Variants in ADAMTS3 observed in about 807,000 individuals in gnomAD.
ADAMTS3 encodes the protein A disintegrin and metalloproteinase with thrombospondin motifs 3.
A neutral mutation model predicts 129.0 loss-of-function variants in ADAMTS3; 73 were observed. The ratio of observed to expected loss-of-function variants is 0.57; its 90% confidence interval spans 0.47 to 0.69. The LOEUF is 0.69. ADAMTS3 is among the 30% of genes least tolerant of loss of function. The pLI is 0.00. For synonymous variants in ADAMTS3, 477 were observed against 510.8 expected, an observed-to-expected ratio of 0.93 and a Z score of 0.89; for missense variants, 1,457 against 1,514.5, an observed-to-expected ratio of 0.96 and a Z score of 0.63.
intron 4 of ADAMTS3, among the ~76,000 whole-genome samples, chr4:72,403,016 C>T (rs1027205638): frequency 3.9e-5 from 6 of 152,140 alleles, no homozygotes; most frequent in Non-Finnish European, 8.8e-5. Context: ...TATGGTTTCT[C>T]ATCCTCATTT....
chr4:72,397,330 C>T (rs1411953604), intron 4 of ADAMTS3, among the ~76,000 whole-genome samples: 9 of 151,878 alleles, frequency 5.9e-5, no homozygotes, highest in African/African-American at 2.2e-4. Flanking sequence ...TTTGGGAGGC[C>T]GAGGTGGGTG....
chr4:72,405,410 T>C (rs1160432806), intron 4 of ADAMTS3, among the ~76,000 whole-genome samples: 1 of 151,994 alleles, frequency 6.6e-6, no homozygotes, highest in Non-Finnish European at 1.5e-5. Flanking sequence ...TAAAAAAATA[T>C]AAAGAGACTC....
chr4:72,398,645 C>A (rs1013386566), intron 4 of ADAMTS3, among the ~76,000 whole-genome samples: 1 of 152,018 alleles, frequency 6.6e-6, no homozygotes, highest in Non-Finnish European at 1.5e-5. Flanking sequence ...CAAATTCAAC[C>A]AGATATTTAT....
In ADAMTS3 at chr4:72,433,588, C is replaced by A. The variant is rs183511200; in HGVS notation, c.505-18617G>T. On this transcript the variant is annotated intron_variant, in intron 3 of 21. Coordinates refer to ENST00000286657, the MANE Select transcript of ADAMTS3 (RefSeq NM_014243.3). ...AATTCTCCTAAATTTTTTCCCCACA[C>A]CTTTGCTGTATGAACATGAAATTTC... Among the ~76,000 whole-genome samples, 42 of 152,004 alleles carry A rather than the reference C, an allele frequency of 2.8e-4. 1 individual carries two copies. The highest frequency in any genetic ancestry group is 9.9e-4 in the African/African-American group (41 of 41,534).
At chr4:72,539,480 G>A (rs1721264902) in intron 3 of ADAMTS3, among the ~76,000 whole-genome samples, 1 of 128,250 alleles carries the variant, frequency 7.8e-6, no homozygotes, top group Non-Finnish European at 1.6e-5. Context: ...CCTTTAGGAT[G>A]GCTACTATCA....
intron 4 of ADAMTS3, among the ~76,000 whole-genome samples, chr4:72,354,112 CCTA>C (rs1720514842): frequency 6.6e-6 from 1 of 152,004 alleles, no homozygotes; most frequent in Non-Finnish European, 1.5e-5. Context: ...TTATTGAGCA[CCTA>C]CTATGTATCA....
At chr4:72,567,743 CA>C (rs1438079167) in intron 1 of ADAMTS3, among the ~76,000 whole-genome samples, 4 of 152,228 alleles carry the variant, frequency 2.6e-5, no homozygotes, top group African/African-American at 9.6e-5. Flanking sequence ...ATACACCTAA[CA>C]GGGGGCCTGA....
chr4:72,319,668 G>A (rs1719500139), intron 8 of ADAMTS3, among the ~76,000 whole-genome samples, 190 bp downstream of exon 8: 1 of 152,158 alleles, frequency 6.6e-6, no homozygotes, highest in African/African-American at 2.4e-5. Flanking sequence ...AAAACCACAG[G>A]AGTGCCTCTG....
At chr4:72,393,520 C>G (rs1721653648) in intron 4 of ADAMTS3, among the ~76,000 whole-genome samples, 1 of 152,210 alleles carries the variant, frequency 6.6e-6, no homozygotes, top group African/African-American at 2.4e-5. Flanking sequence ...CTCCCAATTA[C>G]TATCCCATTC....
At chr4:72,442,134 C>T (rs1215465732) in intron 3 of ADAMTS3, 2 of 151,778 alleles carry the variant, frequency 1.3e-5, no homozygotes, top group Non-Finnish European at 2.9e-5. Flanking sequence ...TTCTCATGCA[C>T]ATGTTTGGCA....
At chr4:72,433,380 A>G (rs1280560645) in intron 3 of ADAMTS3, among the ~76,000 whole-genome samples, 4 of 151,898 alleles carry the variant, frequency 2.6e-5, no homozygotes, top group Admixed American at 2.6e-4. Flanking sequence ...TGCATTATCA[A>G]ATATGTAACA....
At chr4:72,450,347 C>G (rs919799486) in intron 3 of ADAMTS3, among the ~76,000 whole-genome samples, 3 of 151,660 alleles carry the variant, frequency 2.0e-5, no homozygotes, top group Non-Finnish European at 4.4e-5. Context: ...CAGGCTCTGG[C>G]ACCATGGAAG....
rs529842183 is a variant in ADAMTS3, at chr4:72,358,610, C to T, written c.662-18917G>A. ...ACAATAAACTATATATATTCCTATCCTTCAAAAACATTATAAATCTTTTAT... is the reference window on the plus strand; with the variant it reads ...ACAATAAACTATATATATTCCTATCTTTCAAAAACATTATAAATCTTTTAT... On this transcript the variant is annotated intron_variant, in intron 4 of 21. Coordinates refer to ENST00000286657, the MANE Select transcript of ADAMTS3 (RefSeq NM_014243.3). Among the ~76,000 whole-genome samples, 18 of 152,024 alleles carry T rather than the reference C, an allele frequency of 1.2e-4. 1 individual carries two copies. The South Asian group carries it at 3.3e-3, about 28-fold the overall frequency.
At chr4:72,433,818 G>A (rs1711881768) in intron 3 of ADAMTS3, among the ~76,000 whole-genome samples, 1 of 151,690 alleles carries the variant, frequency 6.6e-6, no homozygotes, top group African/African-American at 2.4e-5. Context: ...TGTTACATAT[G>A]CTAGCTGATC....
intron 3 of ADAMTS3, among the ~76,000 whole-genome samples, chr4:72,538,155 G>A (rs757004076): frequency 5.3e-5 from 8 of 152,142 alleles, no homozygotes; most frequent in Admixed American, 3.9e-4. Flanking sequence ...CCATTAAGCA[G>A]ACCAACATAG....
chr4:72,389,978 A>G (rs1237903438), intron 4 of ADAMTS3, among the ~76,000 whole-genome samples: 1 of 152,230 alleles, frequency 6.6e-6, no homozygotes, highest in Non-Finnish European at 1.5e-5. Context: ...GCCTGCAAGA[A>G]TGAGAGACAG....
At chr4:72,410,381 G>C (rs1417424009) in intron 4 of ADAMTS3, among the ~76,000 whole-genome samples, 1 of 151,978 alleles carries the variant, frequency 6.6e-6, no homozygotes, top group Non-Finnish European at 1.5e-5. Flanking sequence ...CAAGCACTCG[G>C]GTTCATGCAG....
intron 4 of ADAMTS3, among the ~76,000 whole-genome samples, chr4:72,383,958 CAACA>C (rs1284834781): frequency 1.3e-5 from 2 of 151,638 alleles, no homozygotes; most frequent in Non-Finnish European, 2.9e-5. Context: ...TAGAAAAGCT[CAACA>C]GACAATTAAA....
chr4:72,353,649 C>A (rs1408304166), intron 4 of ADAMTS3, among the ~76,000 whole-genome samples: 1 of 151,918 alleles, frequency 6.6e-6, no homozygotes, highest in Non-Finnish European at 1.5e-5. Flanking sequence ...AGTCCTGAAC[C>A]CCAAGCCTAG....
Sources: allele counts gnomAD v4.1 joint callset (sites outside exome capture counted in the v4.1 genomes callset), GRCh38; gene constraint gnomAD v4.1.1; transcripts MANE v1.5; gene names NCBI Gene and HGNC (gene_info 2026-07-23, HGNC 2026-07-21).